LLGL2: variants seen among roughly 807,000 people sequenced by gnomAD.
LLGL2 encodes LLGL scribble cell polarity complex component 2.
Under a neutral mutation model 123.2 loss-of-function variants are expected in LLGL2, and 81 were observed. The ratio of observed to expected loss-of-function variants is 0.66; its 90% CI spans 0.55 to 0.79. LLGL2 has a LOEUF of 0.79. LLGL2 is among the 30% of genes least tolerant of loss of function. The pLI is 0.00. For missense variants in LLGL2, 1,273 were observed against 1,414.6 expected, an observed-to-expected ratio of 0.90 and a Z score of 1.61; for synonymous variants, 577 against 594.1, an observed-to-expected ratio of 0.97 and a Z score of 0.42.
At chr17:75,533,030 T>C (rs1266851671) in intron 1 of LLGL2, among the ~76,000 whole-genome samples, 2 of 151,890 alleles carry the variant, frequency 1.3e-5, no homozygotes, top group South Asian at 2.1e-4. Flanking sequence ...TGAGGAGTCT[T>C]GCTCTGTCGC....
intron 2 of LLGL2, among the ~76,000 whole-genome samples, chr17:75,550,061 C>T (rs900645168): frequency 2.2e-4 from 34 of 152,196 alleles, no homozygotes; most frequent in Admixed American, 2.1e-3. Context: ...GGCTGGATGC[C>T]GCGCTTCGGA....
At chr17:75,553,396 A>G (rs1293073378) in intron 2 of LLGL2, among the ~76,000 whole-genome samples, 1 of 152,132 alleles carries the variant, frequency 6.6e-6, no homozygotes, top group Non-Finnish European at 1.5e-5. Context: ...TCCCTGCCTG[A>G]CCCCAGCATG....
rs773191139 is a variant in LLGL2 at position 75,573,251 on chromosome 17, T to G, written c.2698T>G (p.Ser900Ala). 1 of 1,605,212 alleles carries G rather than the reference T, an allele frequency of 6.2e-7. No homozygotes were observed. The highest frequency in any genetic ancestry group is 8.5e-7 in the Non-Finnish European group (1 of 1,173,904). Residue 900 changes from serine to alanine, a missense_variant, in exon 20 of 26, where the codon TCC becomes GCC. Coordinates refer to ENST00000392550, the MANE Select transcript of LLGL2 (RefSeq NM_001031803.2). ...IRREDVSGIASCVFTKYGQGF... is the reference protein window; with the variant it reads ...IRREDVSGIAACVFTKYGQGF... The stretch of plus-strand genomic sequence containing the variant: ...CCGGGAGGACGTCAGTGGCATCGCC[T>G]CCTGCGTCTTCACCAAATATGGCCA...
intron 1 of LLGL2, among the ~76,000 whole-genome samples, chr17:75,541,969 G>A (rs1457910388): frequency 6.6e-6 from 1 of 151,790 alleles, no homozygotes; most frequent in Admixed American, 6.6e-5. Flanking sequence ...GACCTGAGGT[G>A]ATCCACCTGC....
At chr17:75,553,854 A>T (rs1054299944) in intron 2 of LLGL2, among the ~76,000 whole-genome samples, 1 of 152,170 alleles carries the variant, frequency 6.6e-6, no homozygotes, top group African/African-American at 2.4e-5. Context: ...TGCCCCAGGA[A>T]ATACTCAAGT....
chr17:75,532,055 TACACAC>T (rs10526094), intron 1 of LLGL2, among the ~76,000 whole-genome samples: 47 of 93,768 alleles, frequency 5.0e-4, no homozygotes, highest in East Asian at 5.1e-4. Flanking sequence ...TATGTATATA[TACACAC>T]ACACACACAC....
intron 17 of LLGL2, 52 bp downstream of exon 17, chr17:75,571,152 C>G (rs978477571): frequency 6.5e-7 from 1 of 1,526,808 alleles, no homozygotes; most frequent in Non-Finnish European, 9.0e-7. Flanking sequence ...CAGCAGACAC[C>G]CCCTGACCTG....
intron 2 of LLGL2, among the ~76,000 whole-genome samples, chr17:75,548,279 C>CT (rs112381847): frequency 9.8e-4 from 141 of 144,242 alleles, no homozygotes; most frequent in South Asian, 4.5e-3. Context: ...TTTTTTTTTC[C>CT]TTTTTTTTTT....
At chr17:75,571,247 C>T (rs1342735433) in intron 17 of LLGL2, 147 bp downstream of exon 17, 1 of 747,492 alleles carries the variant, frequency 1.3e-6, no homozygotes, top group Non-Finnish European at 2.2e-6. Context: ...GCAGCCCCTG[C>T]CTGCTTACTC....
chr17:75,532,546 C>A (rs1010714578), intron 1 of LLGL2: 9 of 152,378 alleles, frequency 5.9e-5, no homozygotes, highest in African/African-American at 1.9e-4. Flanking sequence ...GCCTCGGCCT[C>A]CTGAGTAGCT....
In LLGL2 at chr17:75,558,106, G is replaced by A; in HGVS notation, c.174-49G>A. On this transcript the variant is annotated intron_variant, in intron 3 of 25. Transcript: ENST00000392550. This position sits in a 1 kb window ranked among gnomAD's most constrained non-coding sequence, Gnocchi z 4.0. ...CCCGAGGGCCTGGCACTCAAGGCAG[G>A]CAGGGGATGGTGTCCGACCTTCCAG... 1.9e-6 allele frequency: 3 copies of A among 1,569,670 alleles called. No individual in the cohort carries two copies. Among genetic ancestry groups the A allele is most frequent in the Non-Finnish European group, 8.8e-7 (1 of 1,140,068 alleles).
intron 21 of LLGL2, 36 bp from the exon 22 acceptor site, chr17:75,573,916 C>G: frequency 6.5e-7 from 1 of 1,550,180 alleles, no homozygotes; most frequent in Non-Finnish European, 8.7e-7. Flanking sequence ...GCAGGGAGCC[C>G]GGGGGCCCTG....
In LLGL2 at chr17:75,558,683, T is replaced by C; in HGVS notation, c.371+56T>C. 7.1e-7 allele frequency: 1 copy of C among 1,400,614 alleles called. No individual in the cohort carries two copies. Among genetic ancestry groups the C allele is most frequent in the South Asian group, 1.2e-5 (1 of 80,790 alleles). The allele number at this position is 1,400,614 out of a possible 1,614,324, so 86.8% of individuals were successfully genotyped here. A position where few individuals can be genotyped will look rare whatever the true frequency, so the allele number is the denominator to read the frequency against. Reference sequence around the variant, plus strand: ...CCCAGCCCAGCCTGACCCTTGCCCTTAGCTCTGGAGTGGACTCACCCTTTG... The same window carrying C: ...CCCAGCCCAGCCTGACCCTTGCCCTCAGCTCTGGAGTGGACTCACCCTTTG... On this transcript the variant is annotated intron_variant, in intron 5 of 25. Transcript: ENST00000392550. The surrounding 1 kb of genome is among the most constrained non-coding windows in gnomAD (Gnocchi z 4.0).
intron 9 of LLGL2, 139 bp downstream of exon 9, chr17:75,563,945 G>T: frequency 1.2e-6 from 1 of 847,146 alleles, no homozygotes; most frequent in Non-Finnish European, 2.0e-6. Context: ...CCAGGGAGGG[G>T]AGACAGGGTA....
rs941170179 is a variant in LLGL2 at position 75,558,506 on chromosome 17, C to T, written c.256-6C>T. ...ACCACATGATCCCGTCGTGTGCCCT[C>T]GCCAGTGCCAGCTGGTCACCCTGCT... On this transcript the variant is annotated splice_polypyrimidine_tract_variant and splice_region_variant and intron_variant, in intron 4 of 25. Transcript: ENST00000392550. The surrounding 1 kb of genome is among the most constrained non-coding windows in gnomAD (Gnocchi z 4.0). 1.9e-5 allele frequency: 30 copies of T among 1,577,436 alleles called. No homozygotes were observed. The highest frequency in any genetic ancestry group is 2.5e-5 in the Non-Finnish European group (29 of 1,162,138).
At position 75,544,498 on chromosome 17, in the gene LLGL2, C is replaced by T. The variant is rs1351523612; in HGVS notation, c.75+997C>T. On this transcript the variant is annotated intron_variant, in intron 2 of 25. Coordinates refer to ENST00000392550, the MANE Select transcript of LLGL2 (RefSeq NM_001031803.2). This position sits in a 1 kb window ranked among gnomAD's most constrained non-coding sequence, Gnocchi z 4.2. ...TTATTGATTTGAGAACTGTAGAAGT[C>T]AGCTTGCCCAGGTGCAAACCCAACT... 1.3e-5 allele frequency among the ~76,000 whole-genome samples: 2 copies of T among 152,260 alleles called. No homozygotes were observed. The highest frequency in any genetic ancestry group is 4.8e-5 in the African/African-American group (2 of 41,462).
chr17:75,526,883 T>A (rs1219071788), intron 1 of LLGL2, among the ~76,000 whole-genome samples: 1 of 151,964 alleles, frequency 6.6e-6, no homozygotes, highest in Non-Finnish European at 1.5e-5. Flanking sequence ...AAGTGGCAGT[T>A]GAGGCTGGGT....
chr17:75,530,858 C>T (rs1313678562), intron 1 of LLGL2, among the ~76,000 whole-genome samples: 1 of 152,068 alleles, frequency 6.6e-6, no homozygotes, highest in African/African-American at 2.4e-5. Flanking sequence ...TCAGCGAGGA[C>T]CTTTTTCAGG....
In LLGL2 at chr17:75,574,921, T is replaced by C. The variant is rs1186383109; in HGVS notation, c.*43T>C. The C allele has an allele frequency of 1.9e-6, 3 of 1,613,800 alleles. No homozygotes were observed. Among genetic ancestry groups the C allele is most frequent in the Non-Finnish European group, 2.5e-6 (3 of 1,179,916 alleles). ...CTGCGCGATGAGCACACACTACTAC[T>C]GATGGCCTTTCGGGGGTCCCTGCCC... On this transcript the variant is annotated 3_prime_UTR_variant, in exon 26 of 26. Transcript: ENST00000392550.
Sources: gnomAD v4.1 joint callset for allele counts (sites outside exome capture counted in the v4.1 genomes callset) on GRCh38, gnomAD v4.1.1 for gene constraint, Gnocchi (gnomAD v3.1) non-coding constraint, MANE v1.5 for transcripts, NCBI Gene and HGNC (gene_info 2026-07-23, HGNC 2026-07-21) for gene names.